TXLNG: variants seen among roughly 807,000 people sequenced by gnomAD.
TXLNG encodes the protein taxilin gamma.
In TXLNG, 5 loss-of-function variants were observed where a neutral mutation model predicts 38.8. The observed-to-expected ratio is 0.13, with a 90% CI of 0.07 to 0.27. The LOEUF is 0.27. Among genes scored for constraint, TXLNG ranks in the 10% least tolerant of loss-of-function variants. The probability of loss-of-function intolerance (pLI) is 1.00; values close to 1 mark genes in which losing one functional copy is unlikely to be tolerated. For synonymous variants in TXLNG, 182 were observed against 158.2 expected (o/e 1.15, Z -1.13); for missense variants, 393 against 398.2 (o/e 0.99, Z 0.11).
chrX:16,819,651 T>C (rs1462681214), intron 2 of TXLNG, among the ~76,000 whole-genome samples: 2 of 112,020 alleles, frequency 1.8e-5, no homozygotes, highest in Non-Finnish European at 3.8e-5. Flanking sequence ...TTAACCTTAG[T>C]TAACACACAG....
At chrX:16,796,929 C>T (rs959564405) in intron 1 of TXLNG, among the ~76,000 whole-genome samples, 1 of 111,414 alleles carries the variant, frequency 9.0e-6, no homozygotes, top group Non-Finnish European at 1.9e-5. Context: ...TTGTGGGCTT[C>T]TTTACCTAAT....
chrX:16,787,685 G>A (rs982450310), intron 1 of TXLNG, among the ~76,000 whole-genome samples: 1 of 111,730 alleles, frequency 9.0e-6, no homozygotes, highest in Non-Finnish European at 1.9e-5. Context: ...CTGAGACTGG[G>A]AAGGTGGGAA....
intron 1 of TXLNG, among the ~76,000 whole-genome samples, chrX:16,794,090 T>A (rs763027389): frequency 4.7e-4 from 53 of 112,123 alleles, no homozygotes; most frequent in African/African-American, 1.6e-3. Context: ...ATAAGGAAAC[T>A]GACAGGTTGG....
intron 2 of TXLNG, 21 bp from the exon 3 acceptor site, chrX:16,820,143 T>A (rs971640054): frequency 1.7e-6 from 2 of 1,156,218 alleles, no homozygotes; most frequent in Non-Finnish European, 1.2e-6. Flanking sequence ...GGGACTTATT[T>A]CTTTTCTTGT....
chrX:16,831,043 C>A (rs1211445222), intron 5 of TXLNG, among the ~76,000 whole-genome samples: 1 of 110,772 alleles, frequency 9.0e-6, no homozygotes, highest in East Asian at 2.8e-4. Flanking sequence ...TATTTTGAAG[C>A]AAATCCAAGA....
chrX:16,841,425 C>T lies in TXLNG; in HGVS notation c.1249-3C>T, dbSNP rs761199387. ...GTTACAGAAATCCTCTTTTTTCTTACAGAAAACAGTCCGTGATAAAGAGTA... is the reference window on the plus strand; with the variant it reads ...GTTACAGAAATCCTCTTTTTTCTTATAGAAAACAGTCCGTGATAAAGAGTA... On this transcript the variant is annotated splice_region_variant and splice_polypyrimidine_tract_variant and intron_variant, in intron 9 of 9. Coordinates refer to ENST00000380122, the MANE Select transcript of TXLNG (RefSeq NM_018360.3). 2 of 1,177,172 alleles carry T rather than the reference C, an allele frequency of 1.7e-6. No homozygotes were observed. The highest frequency in any genetic ancestry group is 2.6e-5 in the Admixed American group (1 of 38,383).
At chrX:16,830,503 T>A (rs1464224997) in intron 5 of TXLNG, among the ~76,000 whole-genome samples, 1 of 105,428 alleles carries the variant, frequency 9.5e-6, no homozygotes, top group Non-Finnish European at 1.9e-5. Flanking sequence ...AGGCTTTAGG[T>A]TTTTTTAAAT....
chrX:16,826,946 C>T (rs113129760), intron 3 of TXLNG, among the ~76,000 whole-genome samples: 5 of 108,747 alleles, frequency 4.6e-5, no homozygotes, highest in Non-Finnish European at 7.6e-5. Context: ...AAGCAAAACC[C>T]GGCCGGGCAT....
At chrX:16,790,215 G>A (rs1169555722) in intron 1 of TXLNG, among the ~76,000 whole-genome samples, 1 of 111,681 alleles carries the variant, frequency 9.0e-6, no homozygotes, top group Non-Finnish European at 1.9e-5. Context: ...TCACTCTGGT[G>A]CTATATATTC....
chrX:16,826,637 A>T (rs1453938682), intron 3 of TXLNG, among the ~76,000 whole-genome samples: 1 of 111,630 alleles, frequency 9.0e-6, no homozygotes, highest in Non-Finnish European at 1.9e-5. Context: ...GCATCATTTA[A>T]AAAAACAAAA....
chrX:16,839,962 C>T (rs960370653), intron 9 of TXLNG, 46 bp downstream of exon 9: 3 of 993,482 alleles, frequency 3.0e-6, no homozygotes, highest in African/African-American at 3.9e-5. Context: ...GTCATGGGGA[C>T]TCCTTGAGTT....
intron 1 of TXLNG, among the ~76,000 whole-genome samples, chrX:16,795,745 T>C (rs1373997814): frequency 1.8e-5 from 2 of 111,796 alleles, no homozygotes; most frequent in East Asian, 5.5e-4. Flanking sequence ...TTTCTCTGGC[T>C]TCATTTATTT....
chrX:16,817,073 C>T (rs1280972573), intron 1 of TXLNG, among the ~76,000 whole-genome samples: 1 of 112,001 alleles, frequency 8.9e-6, no homozygotes, highest in Non-Finnish European at 1.9e-5. Context: ...CTTCTAGCAC[C>T]TTTTTCACAA....
chrX:16,828,328 T>C, intron 4 of TXLNG, 64 bp downstream of exon 4: 6 of 1,046,512 alleles, frequency 5.7e-6, no homozygotes, highest in Non-Finnish European at 7.7e-6. Flanking sequence ...ATCAACCCTG[T>C]GCCTATCTGA....
At chrX:16,813,561 T>A (rs1928614862) in intron 1 of TXLNG, among the ~76,000 whole-genome samples, 1 of 105,803 alleles carries the variant, frequency 9.5e-6, no homozygotes, top group Admixed American at 1.0e-4. Context: ...GGCGAGAAGA[T>A]GCTTTGAGCC....
intron 3 of TXLNG, among the ~76,000 whole-genome samples, chrX:16,826,134 C>T (rs933586699): frequency 9.0e-6 from 1 of 111,519 alleles, no homozygotes; most frequent in African/African-American, 3.3e-5. Flanking sequence ...TTCAGGATTG[C>T]GCTAACCCTG....
chrX:16,823,556 T>A (rs1443742087), intron 3 of TXLNG, among the ~76,000 whole-genome samples: 1 of 110,410 alleles, frequency 9.1e-6, no homozygotes, highest in Admixed American at 9.7e-5. Context: ...AAAAGTTCCC[T>A]TCCCTTTTGC....
intron 1 of TXLNG, among the ~76,000 whole-genome samples, chrX:16,818,273 T>C (rs1364783512): frequency 8.9e-6 from 1 of 111,759 alleles, no homozygotes; most frequent in Non-Finnish European, 1.9e-5. Context: ...TCACTTCTGT[T>C]AAGGTGCTAA....
intron 3 of TXLNG, among the ~76,000 whole-genome samples, chrX:16,821,476 AT>A (rs994145683): frequency 5.4e-5 from 6 of 112,058 alleles, no homozygotes; most frequent in African/African-American, 1.9e-4. Flanking sequence ...CTGCCATCCT[AT>A]TTGAATTGAA....
Sources: allele counts gnomAD v4.1 joint callset (sites outside exome capture counted in the v4.1 genomes callset), GRCh38; gene constraint gnomAD v4.1.1; transcripts MANE v1.5; gene names NCBI Gene and HGNC (gene_info 2026-07-23, HGNC 2026-07-21).